ELF1: variants seen among roughly 807,000 people sequenced by gnomAD.
ELF1 encodes E74 like ETS transcription factor 1.
In ELF1, 24 loss-of-function variants were observed where a neutral mutation model predicts 59.9. The observed-to-expected ratio is 0.40, with a 90% CI of 0.29 to 0.56. ELF1 has a LOEUF of 0.56. Ranked by LOEUF, ELF1 falls within the 20% of genes least tolerant of loss-of-function variation. The pLI is 0.44. For synonymous variants in ELF1, 248 were observed against 266.2 expected (o/e 0.93, Z 0.67); for missense variants, 627 against 742.2 (o/e 0.84, Z 1.80).
intron 2 of ELF1, among the ~76,000 whole-genome samples, chr13:40,974,335 T>C (rs916872210): frequency 1.3e-5 from 2 of 152,206 alleles, no homozygotes; most frequent in Non-Finnish European, 2.9e-5. Flanking sequence ...TATTTTAAAC[T>C]ACTTTTCACC....
intron 2 of ELF1, among the ~76,000 whole-genome samples, chr13:40,979,011 ATAGT>A (rs3071044): frequency 0.17 from 26,429 of 151,546 alleles, 2,398 homozygotes; most frequent in East Asian, 0.2. Context: ...ACAGCACCCA[ATAGT>A]TAGTTTTTCA....
intron 1 of ELF1, 150 bp downstream of exon 1, chr13:41,019,078 A>T: frequency 1.8e-6 from 1 of 567,402 alleles, no homozygotes; most frequent in Non-Finnish European, 2.2e-6. Flanking sequence ...CCTAGCAATT[A>T]AGTTCAATCA....
intron 1 of ELF1, among the ~76,000 whole-genome samples, chr13:41,006,537 T>C (rs1484924147): frequency 1.3e-5 from 2 of 152,168 alleles, no homozygotes; most frequent in South Asian, 2.1e-4. Context: ...CAGTTAACGA[T>C]GTGTAACTGT....
At chr13:41,051,151 G>A (rs904624506) in intron 1 of ELF1, among the ~76,000 whole-genome samples, 3 of 151,816 alleles carry the variant, frequency 2.0e-5, no homozygotes, top group East Asian at 1.9e-4. Flanking sequence ...AAAGAAAAAA[G>A]TTTTTAAAAG....
At chr13:41,004,776 A>C (rs1410029712) in intron 1 of ELF1, among the ~76,000 whole-genome samples, 1 of 152,160 alleles carries the variant, frequency 6.6e-6, no homozygotes, top group East Asian at 1.9e-4. Context: ...TGGCCTAAAA[A>C]ATGTCACAAA....
intron 3 of ELF1, among the ~76,000 whole-genome samples, chr13:40,958,114 A>G (rs1670339363): frequency 6.6e-6 from 1 of 152,274 alleles, no homozygotes; most frequent in African/African-American, 2.4e-5. Flanking sequence ...GCCAAGATAT[A>G]TGACTGTAAA....
chr13:41,007,090 T>C (rs1874803718), intron 1 of ELF1, among the ~76,000 whole-genome samples: 1 of 152,032 alleles, frequency 6.6e-6, no homozygotes, highest in Non-Finnish European at 1.5e-5. Context: ...GCTTCCACTA[T>C]AACAGAGAAA....
At chr13:41,015,873 C>A (rs1051036810) in intron 1 of ELF1, among the ~76,000 whole-genome samples, 9 of 152,098 alleles carry the variant, frequency 5.9e-5, no homozygotes, top group African/African-American at 2.2e-4. Context: ...ACAAATAATA[C>A]CTGTCTACTC....
At chr13:40,963,865 C>T (rs1258154837) in intron 2 of ELF1, among the ~76,000 whole-genome samples, 1 of 151,770 alleles carries the variant, frequency 6.6e-6, no homozygotes, top group African/African-American at 2.4e-5. Context: ...AAGATCGCAC[C>T]ACTGCACTCC....
chr13:40,955,937 C>T (rs1453915391), intron 3 of ELF1, among the ~76,000 whole-genome samples: 4 of 111,094 alleles, frequency 3.6e-5, no homozygotes, highest in South Asian at 3.0e-4. Context: ...CCGCCCCGTC[C>T]GGGAGGGAGG....
chr13:40,944,914 C>T (rs1467106434), intron 5 of ELF1, among the ~76,000 whole-genome samples: 1 of 152,022 alleles, frequency 6.6e-6, no homozygotes, highest in Non-Finnish European at 1.5e-5. Context: ...ACAATTTATC[C>T]CCAGAAATGG....
rs60249003 is a variant in ELF1 at position 41,060,914 on chromosome 13, TGCCGCCGCCGCCGCCGCC to T, written c.-323_-306del. 1.5e-3 allele frequency: 501 copies of T among 344,852 alleles called. 2 individuals carry two copies. Among genetic ancestry groups the T allele is most frequent in the Non-Finnish European group, 2.2e-3 (376 of 172,648 alleles). 21.4% of individuals were successfully genotyped at this position (344,852 alleles called of 1,614,324 possible). ...GCCTCTGCGCTACTGAAGCTGCTGC[TGCCGCCGCCGCCGCCGCC>T]GCCGCCGCCGCCGCTGCTGCTGCCC... On this transcript the variant is annotated 5_prime_UTR_variant, in exon 1 of 2. Coordinates refer to the ELF1 transcript ENST00000405737.
intron 1 of ELF1, among the ~76,000 whole-genome samples, chr13:41,048,377 A>G (rs1381806040): frequency 6.6e-6 from 1 of 152,124 alleles, no homozygotes; most frequent in Non-Finnish European, 1.5e-5. Context: ...TCACGCTGAG[A>G]GCTGTAGACT....
At chr13:40,973,808 A>G (rs1046114160) in intron 2 of ELF1, among the ~76,000 whole-genome samples, 2 of 152,234 alleles carry the variant, frequency 1.3e-5, no homozygotes, top group African/African-American at 4.8e-5. Flanking sequence ...TGGTATATCC[A>G]TATGATACAA....
intron 1 of ELF1, among the ~76,000 whole-genome samples, chr13:41,033,920 T>C (rs1437954945): frequency 6.6e-6 from 1 of 152,166 alleles, no homozygotes; most frequent in Non-Finnish European, 1.5e-5. Flanking sequence ...GGTGTGACTA[T>C]TGAGAGAGCA....
At chr13:41,060,028 G>T (rs563660613) in intron 1 of ELF1, among the ~76,000 whole-genome samples, 13 of 152,278 alleles carry the variant, frequency 8.5e-5, no homozygotes, top group African/African-American at 3.1e-4. Context: ...GTTCCCAAAG[G>T]CCTTTTTTCG....
At chr13:41,033,494 A>G (rs1876253748) in intron 1 of ELF1, among the ~76,000 whole-genome samples, 1 of 152,238 alleles carries the variant, frequency 6.6e-6, no homozygotes, top group South Asian at 2.1e-4. Context: ...ATGACAATCA[A>G]AAGCATTATG....
At chr13:41,030,898 C>T (rs551700104) in intron 1 of ELF1, among the ~76,000 whole-genome samples, 2 of 151,730 alleles carry the variant, frequency 1.3e-5, no homozygotes, top group Admixed American at 6.6e-5. Flanking sequence ...TGGTGGCTCA[C>T]GCCTATAATC....
intron 1 of ELF1, among the ~76,000 whole-genome samples, chr13:40,986,187 C>CT (rs1383764841): frequency 1.3e-5 from 2 of 152,196 alleles, no homozygotes; most frequent in Non-Finnish European, 2.9e-5. Context: ...GTTCAGAGAA[C>CT]AGGCTCTGGA....
Sources: gnomAD v4.1 joint callset for allele counts (sites outside exome capture counted in the v4.1 genomes callset) on GRCh38, gnomAD v4.1.1 for gene constraint, MANE v1.5 for transcripts, NCBI Gene and HGNC (gene_info 2026-07-23, HGNC 2026-07-21) for gene names.